Variants in SCHIP1 observed in about 807,000 individuals in gnomAD.
The protein encoded by SCHIP1 is schwannomin-interacting protein 1.
A neutral mutation model predicts 29.7 loss-of-function variants in SCHIP1; 8 were observed. That is an observed-to-expected ratio of 0.27 (90% CI 0.16 to 0.49). SCHIP1 has a LOEUF of 0.49. Ranked by LOEUF, SCHIP1 falls within the 20% of genes least tolerant of loss-of-function variation. The pLI is 0.99. For missense variants in SCHIP1, 193 were observed against 294.6 expected, an observed-to-expected ratio of 0.66 and a Z score of 2.52; for synonymous variants, 76 against 94.9, an observed-to-expected ratio of 0.80 and a Z score of 1.16.
chr3:159,750,112 C>G, the SCHIP1 span, among the ~76,000 whole-genome samples: 22 of 151,670 alleles, frequency 1.5e-4, no homozygotes, highest in Admixed American at 6.6e-5. Context: ...GAAACTATTT[C>G]CTTATATTCA....
At chr3:159,416,540 T>C in the SCHIP1 span, among the ~76,000 whole-genome samples, 5 of 152,230 alleles carry the variant, frequency 3.3e-5, no homozygotes, top group Admixed American at 1.3e-4. Flanking sequence ...TTGTTGTTCA[T>C]ACTTTCTTGA....
chr3:159,668,918 A>C, the SCHIP1 span, among the ~76,000 whole-genome samples: 1,022 of 152,256 alleles, frequency 6.7e-3, 7 homozygotes, highest in African/African-American at 0.024. Context: ...AGGAAAAAAA[A>C]AATTATGAGA....
At chr3:159,501,414 C>T in the SCHIP1 span, among the ~76,000 whole-genome samples, 1 of 152,166 alleles carries the variant, frequency 6.6e-6, no homozygotes, top group East Asian at 1.9e-4. Flanking sequence ...TCCCCAAAAG[C>T]AAATTTACAT....
chr3:159,877,770 A>G (rs541654174), intron 2 of SCHIP1, among the ~76,000 whole-genome samples: 13 of 152,220 alleles, frequency 8.5e-5, no homozygotes, highest in Non-Finnish European at 1.6e-4. Flanking sequence ...GCTGAAACTC[A>G]TCAGCAGGTG....
At chr3:159,314,580 G>A in the SCHIP1 span, among the ~76,000 whole-genome samples, 4 of 152,138 alleles carry the variant, frequency 2.6e-5, no homozygotes, top group Non-Finnish European at 4.4e-5. Flanking sequence ...CTGGACATAG[G>A]TATGTCTGGA....
At chr3:159,777,584 C>T in the SCHIP1 span, among the ~76,000 whole-genome samples, 12 of 152,212 alleles carry the variant, frequency 7.9e-5, no homozygotes, top group African/African-American at 2.9e-4. Context: ...AGTCAGGGAA[C>T]TGTGTCATGA....
At chr3:159,717,810 A>G in the SCHIP1 span, among the ~76,000 whole-genome samples, 10 of 152,240 alleles carry the variant, frequency 6.6e-5, no homozygotes, top group Admixed American at 6.5e-4. Flanking sequence ...TACAAAGAGG[A>G]GCTGGTACCA....
chr3:159,306,642 T>A, the SCHIP1 span: 1 of 680,704 alleles, frequency 1.5e-6, no homozygotes, highest in Non-Finnish European at 1.8e-6. Flanking sequence ...TTTCTAATAA[T>A]GTTTTAAGGA....
the SCHIP1 span, among the ~76,000 whole-genome samples, chr3:159,474,453 T>C: frequency 6.6e-6 from 1 of 152,156 alleles, no homozygotes; most frequent in South Asian, 2.1e-4. Context: ...AAGGTCCTGA[T>C]TAAATAGAGT....
At chr3:159,640,891 T>TATC in the SCHIP1 span, among the ~76,000 whole-genome samples, 6 of 152,194 alleles carry the variant, frequency 3.9e-5, no homozygotes, top group Non-Finnish European at 5.9e-5. Context: ...CTGAAGCAGT[T>TATC]CTTGCCTACA....
chr3:159,522,163 T>C, the SCHIP1 span, among the ~76,000 whole-genome samples: 1 of 152,164 alleles, frequency 6.6e-6, no homozygotes. Context: ...TGTTATGAAG[T>C]TTTTTCAATT....
the SCHIP1 span, among the ~76,000 whole-genome samples, chr3:159,676,439 C>T: frequency 1.3e-5 from 2 of 152,158 alleles, no homozygotes; most frequent in Non-Finnish European, 1.5e-5. Context: ...AGAATAAATG[C>T]TTTAGGGATT....
chr3:159,551,710 T>C, the SCHIP1 span, among the ~76,000 whole-genome samples: 1 of 152,188 alleles, frequency 6.6e-6, no homozygotes, highest in African/African-American at 2.4e-5. Context: ...TATTAAAGTG[T>C]TGTTTGTGCT....
chr3:159,585,320 A>G, the SCHIP1 span, among the ~76,000 whole-genome samples: 6 of 152,158 alleles, frequency 3.9e-5, no homozygotes, highest in African/African-American at 1.2e-4. Context: ...TACTCAAAGG[A>G]ATCCATGACC....
the SCHIP1 span, among the ~76,000 whole-genome samples, chr3:159,425,688 G>A: frequency 2.0e-5 from 3 of 152,092 alleles, no homozygotes; most frequent in Non-Finnish European, 4.4e-5. Flanking sequence ...TGCACCAAGT[G>A]GACCTAATAG....
intron 1 of SCHIP1, 93 bp from the exon 3 acceptor site, chr3:159,866,070 G>A: frequency 9.6e-7 from 1 of 1,044,168 alleles, no homozygotes. Context: ...TTCATCTAAT[G>A]TTACAGTTCT....
At chr3:159,458,435 A>G in the SCHIP1 span, among the ~76,000 whole-genome samples, 1 of 152,240 alleles carries the variant, frequency 6.6e-6, no homozygotes, top group African/African-American at 2.4e-5. Flanking sequence ...AGGACACAAG[A>G]GTGGCCTCTG....
rs572617496 is a variant in SCHIP1 at position 159,861,133 on chromosome 3, G to A, written c.31-5030G>A. 2.0e-5 allele frequency among the ~76,000 whole-genome samples: 3 copies of A among 152,160 alleles called. No homozygotes were observed. The highest frequency in any genetic ancestry group is 4.4e-5 in the Non-Finnish European group (3 of 68,036). ...GCAGAAAACACCCAATCTTCCACTT[G>A]TAAATTTACGTGCAGATTAGCATGC... On this transcript the variant is annotated intron_variant, in intron 1 of 6. Transcript: ENST00000445224. The surrounding 1 kb of genome is among the most constrained non-coding windows in gnomAD (Gnocchi z 4.1).
the SCHIP1 span, among the ~76,000 whole-genome samples, chr3:159,748,416 A>ACGAATTATAT: frequency 6.6e-6 from 1 of 152,242 alleles, no homozygotes; most frequent in Non-Finnish European, 1.5e-5. Flanking sequence ...ATTCAAAGAA[A>ACGAATTATAT]AGAATTATAT....
Sources: allele counts gnomAD v4.1 joint callset (sites outside exome capture counted in the v4.1 genomes callset), GRCh38; gene constraint gnomAD v4.1.1; non-coding constraint Gnocchi (gnomAD v3.1); transcripts MANE v1.5; gene names NCBI Gene and HGNC (gene_info 2026-07-23, HGNC 2026-07-21).